STK33: variants seen among roughly 807,000 people sequenced by gnomAD.
STK33 encodes serine/threonine kinase 33.
Under a neutral mutation model 58.0 loss-of-function variants are expected in STK33, and 52 were observed. The ratio of observed to expected loss-of-function variants is 0.90; its 90% CI spans 0.72 to 1.13. STK33 has a LOEUF of 1.13. STK33 is among the 50% of genes most tolerant of loss of function. STK33 has a pLI of 0.00. For synonymous variants in STK33, 215 were observed against 200.1 expected (o/e 1.07, Z -0.63); for missense variants, 630 against 604.2 (o/e 1.04, Z -0.45).
intron 12 of STK33, among the ~76,000 whole-genome samples, chr11:8,436,366 G>C (rs1944070476): frequency 6.6e-6 from 1 of 152,166 alleles, no homozygotes; most frequent in Non-Finnish European, 1.5e-5. Context: ...AAGGAAGTAT[G>C]CAAGTATACA....
At chr11:8,395,415 C>T (rs550825688) in intron 15 of STK33, among the ~76,000 whole-genome samples, 10 of 152,316 alleles carry the variant, frequency 6.6e-5, no homozygotes, top group African/African-American at 2.4e-4. Flanking sequence ...GAGGCTTCCC[C>T]AGCCATGTGG....
intron 15 of STK33, 51 bp downstream of exon 15, chr11:8,413,444 G>T: frequency 6.3e-7 from 1 of 1,588,756 alleles, no homozygotes; most frequent in Non-Finnish European, 8.6e-7. Context: ...TGTTCCAGGT[G>T]TGGTGAGGGT....
intron 1 of STK33, among the ~76,000 whole-genome samples, chr11:8,569,486 A>G (rs1957659511): frequency 6.6e-6 from 1 of 152,242 alleles, no homozygotes; most frequent in Non-Finnish European, 1.5e-5. Context: ...CATACACACA[A>G]ATGCAAAAGC....
chr11:8,471,882 T>C (rs4758067), intron 6 of STK33, among the ~76,000 whole-genome samples: 91,192 of 151,936 alleles, frequency 0.6, 27,630 homozygotes, highest in African/African-American at 0.64. Context: ...ACAATGAACA[T>C]ATTTTGCTTT....
intron 15 of STK33, among the ~76,000 whole-genome samples, chr11:8,395,839 T>C (rs1032118722): frequency 5.3e-5 from 8 of 152,246 alleles, no homozygotes; most frequent in African/African-American, 1.7e-4. Context: ...ATAAATGGTA[T>C]ATGGATTTGT....
At chr11:8,382,122 C>T in the STK33 span, among the ~76,000 whole-genome samples, 1 of 152,244 alleles carries the variant, frequency 6.6e-6, no homozygotes, top group Non-Finnish European at 1.5e-5. Flanking sequence ...ATCCACTCCA[C>T]TCCACGAGGT....
intron 1 of STK33, among the ~76,000 whole-genome samples, chr11:8,527,123 G>A (rs1406438295): frequency 2.0e-5 from 3 of 149,296 alleles, no homozygotes; most frequent in Non-Finnish European, 4.5e-5. Context: ...ACAATGCCCA[G>A]CTAACATATA....
the STK33 span, among the ~76,000 whole-genome samples, chr11:8,374,845 C>T: frequency 6.6e-6 from 1 of 152,162 alleles, no homozygotes; most frequent in African/African-American, 2.4e-5. Flanking sequence ...ACACATATTC[C>T]CCAACCCACC....
chr11:8,496,675 C>T (rs540470026), intron 1 of STK33, among the ~76,000 whole-genome samples: 206 of 151,500 alleles, frequency 1.4e-3, no homozygotes, highest in African/African-American at 4.7e-3. Context: ...CCCAGGTTCA[C>T]GCCATTCTCC....
In STK33 at chr11:8,547,877, C is replaced by G. The variant is rs141245536; in HGVS notation, c.-466+46206G>C. ...GTCCTTTGTAGGGACATAGATGAAG[C>G]TGGAAACCATCATTCTGAGCAAACT... is the stretch of plus-strand genomic sequence containing the variant. On this transcript the variant is annotated intron_variant, in intron 1 of 15. Transcript: ENST00000687296. 2.1e-3 allele frequency among the ~76,000 whole-genome samples: 320 copies of G among 152,028 alleles called. 1 individual carries two copies. The highest frequency in any genetic ancestry group is 7.4e-3 in the African/African-American group (306 of 41,440).
At chr11:8,480,156 C>T (rs1453241075) in intron 2 of STK33, among the ~76,000 whole-genome samples, 1 of 152,130 alleles carries the variant, frequency 6.6e-6, no homozygotes, top group African/African-American at 2.4e-5. Flanking sequence ...GTGCCGATTT[C>T]CATCTAATAT....
the STK33 span, among the ~76,000 whole-genome samples, chr11:8,376,891 G>T: frequency 6.6e-6 from 1 of 152,044 alleles, no homozygotes; most frequent in Non-Finnish European, 1.5e-5. Flanking sequence ...CCATACTTTG[G>T]CTCCAACCAT....
chr11:8,353,673 G>C, the STK33 span, among the ~76,000 whole-genome samples: 3 of 152,094 alleles, frequency 2.0e-5, no homozygotes, highest in Admixed American at 6.5e-5. Flanking sequence ...ATTGTTTTTC[G>C]GCTGTCTCAA....
intron 14 of STK33, among the ~76,000 whole-genome samples, chr11:8,417,484 A>G (rs1225008446): frequency 6.6e-6 from 1 of 152,106 alleles, no homozygotes; most frequent in Non-Finnish European, 1.5e-5. Context: ...TGTAAACAGT[A>G]AGCACTTAAT....
chr11:8,581,222 C>G lies in STK33; in HGVS notation c.-466+12861G>C, dbSNP rs185069252. On this transcript the variant is annotated intron_variant, in intron 1 of 15. Transcript: ENST00000687296. Reference sequence around the variant, plus strand: ...TTAACTCAGCCCATTTTCTTAGAAACCGATATACACAGTGTTGTACAATTT... The same window carrying G: ...TTAACTCAGCCCATTTTCTTAGAAAGCGATATACACAGTGTTGTACAATTT... Among the ~76,000 whole-genome samples, 249 of 152,250 alleles carry G rather than the reference C, an allele frequency of 1.6e-3. 2 individuals carry two copies. Among genetic ancestry groups the G allele is most frequent in the African/African-American group, 5.7e-3 (236 of 41,534 alleles).
intron 1 of STK33, among the ~76,000 whole-genome samples, chr11:8,514,105 T>A (rs1952564011): frequency 6.6e-6 from 1 of 152,182 alleles, no homozygotes; most frequent in African/African-American, 2.4e-5. Flanking sequence ...TCACTTAACA[T>A]AATGATTTCA....
intron 1 of STK33, among the ~76,000 whole-genome samples, chr11:8,571,789 C>T (rs1381072315): frequency 2.0e-5 from 3 of 148,836 alleles, no homozygotes; most frequent in Non-Finnish European, 3.0e-5. Flanking sequence ...CCCAAGATCG[C>T]GCCACTGCAC....
intron 1 of STK33, among the ~76,000 whole-genome samples, chr11:8,577,096 A>T (rs561819521): frequency 1.3e-5 from 2 of 152,236 alleles, no homozygotes; most frequent in Non-Finnish European, 2.9e-5. Flanking sequence ...GAGCCCTGAA[A>T]TGTGTCTAGT....
At chr11:8,523,892 G>A (rs1953787781) in intron 1 of STK33, among the ~76,000 whole-genome samples, 1 of 152,228 alleles carries the variant, frequency 6.6e-6, no homozygotes, top group South Asian at 2.1e-4. Context: ...GGAAATGTGG[G>A]AAAAAGAAAG....
Sources: gnomAD v4.1 joint callset for allele counts (sites outside exome capture counted in the v4.1 genomes callset) on GRCh38, gnomAD v4.1.1 for gene constraint, MANE v1.5 for transcripts, NCBI Gene and HGNC (gene_info 2026-07-23, HGNC 2026-07-21) for gene names.